Variants in MACROH2A1 observed in about 807,000 individuals in gnomAD.
MACROH2A1 encodes macroH2A.1 histone, also known as core histone macro-H2A.1.
MACROH2A1 carries 2 observed loss-of-function variants against 31.6 expected under a neutral mutation model. The observed-to-expected ratio is 0.06, with a 90% confidence interval of 0.03 to 0.20. MACROH2A1 has a LOEUF of 0.20. Ranked by LOEUF, MACROH2A1 falls within the 10% of genes least tolerant of loss-of-function variation. The pLI, the probability that MACROH2A1 is intolerant of heterozygous loss-of-function variation, is 1.00. For missense variants in MACROH2A1, 230 were observed against 474.0 expected (o/e 0.49, Z 4.78); for synonymous variants, 169 against 189.6 (o/e 0.89, Z 0.89).
chr5:135,366,318 C>T (rs1296352146), intron 4 of MACROH2A1, among the ~76,000 whole-genome samples: 1 of 152,210 alleles, frequency 6.6e-6, no homozygotes, highest in Non-Finnish European at 1.5e-5. Flanking sequence ...AGCAGCTCTA[C>T]ATGCAGAGAC....
At chr5:135,386,964 T>A (rs1468812255) in intron 2 of MACROH2A1, among the ~76,000 whole-genome samples, 1 of 152,228 alleles carries the variant, frequency 6.6e-6, no homozygotes, top group Non-Finnish European at 1.5e-5. Flanking sequence ...TTTCCCATTA[T>A]GTGCACAGCA....
chr5:135,365,584 G>C (rs557945689), intron 4 of MACROH2A1, among the ~76,000 whole-genome samples: 1 of 152,246 alleles, frequency 6.6e-6, no homozygotes, highest in East Asian at 1.9e-4. Flanking sequence ...CCACTACTGA[G>C]AATAGTAACT....
At chr5:135,355,408 C>T (rs990818943) in intron 5 of MACROH2A1, 1 of 379,540 alleles carries the variant, frequency 2.6e-6, no homozygotes, top group Non-Finnish European at 5.3e-6. Flanking sequence ...TTTCACTCTT[C>T]ACATCTGTGG....
intron 6 of MACROH2A1, 52 bp from the exon 7 acceptor site, chr5:135,346,109 AC>A: frequency 9.7e-7 from 1 of 1,031,008 alleles, no homozygotes; most frequent in South Asian, 1.3e-5. Flanking sequence ...TCCGGCACAC[AC>A]AGACACTTAG....
chr5:135,396,548 G>A (rs1012452537), intron 1 of MACROH2A1, among the ~76,000 whole-genome samples: 2 of 152,022 alleles, frequency 1.3e-5, no homozygotes, highest in African/African-American at 4.8e-5. Flanking sequence ...CACACATGGG[G>A]TTCCCCAGGC....
intron 1 of MACROH2A1, among the ~76,000 whole-genome samples, chr5:135,392,978 A>G (rs929928124): frequency 1.3e-5 from 2 of 152,188 alleles, no homozygotes; most frequent in East Asian, 3.8e-4. Context: ...AAAAACAATA[A>G]TGTGAATAAG....
rs1760334606 is a variant in MACROH2A1 at position 135,343,718 on chromosome 5, G to A, written c.779-284C>T. On this transcript the variant is annotated intron_variant, in intron 7 of 8. Transcript: ENST00000511689. Reference sequence around the variant, plus strand: ...TCAGAAAGCATACACGGTTCTCCCAGAGGCAGAGCCTTATCCATCAAAACT... The same window carrying A: ...TCAGAAAGCATACACGGTTCTCCCAAAGGCAGAGCCTTATCCATCAAAACT... 12 of 449,394 alleles carry A rather than the reference G, an allele frequency of 2.7e-5. No individual in the cohort carries two copies. The South Asian group carries it at 3.1e-4, about 12-fold the overall frequency. 27.8% of individuals were successfully genotyped at this position (449,394 alleles called of 1,614,324 possible).
Position 135,374,588 on chromosome 5 carries a change from A to ATGGAGCC in MACROH2A1, c.173-4453_173-4447dup, listed in dbSNP as rs1764609871. ...AACTTAAGCCTCTGCCTCAAAGTGA[A>ATGGAGCC]TGGAGCCGATGCCTTCCTACAAGGG... is the stretch of plus-strand genomic sequence containing the variant. On this transcript the variant is annotated intron_variant, in intron 2 of 8. Coordinates refer to ENST00000511689, the MANE Select transcript of MACROH2A1 (RefSeq NM_138610.3). 3.3e-5 allele frequency among the ~76,000 whole-genome samples: 5 copies of ATGGAGCC among 152,306 alleles called. 1 individual carries two copies. Among genetic ancestry groups the ATGGAGCC allele is most frequent in the African/African-American group, 1.2e-4 (5 of 41,580 alleles).
At chr5:135,387,407 T>A (rs1766564297) in intron 2 of MACROH2A1, among the ~76,000 whole-genome samples, 1 of 152,216 alleles carries the variant, frequency 6.6e-6, no homozygotes, top group Non-Finnish European at 1.5e-5. Flanking sequence ...GTGTTTGCTA[T>A]GGGGAAACCC....
intron 5 of MACROH2A1, chr5:135,357,440 C>T (rs2149792363): frequency 6.6e-6 from 1 of 152,328 alleles, no homozygotes; most frequent in South Asian, 2.1e-4. Flanking sequence ...AGGGAGAAAA[C>T]CCATGGTACG....
chr5:135,383,027 C>T (rs892287618), intron 2 of MACROH2A1, among the ~76,000 whole-genome samples: 1 of 152,214 alleles, frequency 6.6e-6, no homozygotes, highest in East Asian at 1.9e-4. Flanking sequence ...AATTCCACCT[C>T]CTGGTGGCTT....
At chr5:135,337,253 G>A (rs1758888420) in intron 8 of MACROH2A1, among the ~76,000 whole-genome samples, 1 of 152,268 alleles carries the variant, frequency 6.6e-6, no homozygotes, top group Non-Finnish European at 1.5e-5. Context: ...CAGGGCTTCT[G>A]TAGCTGCAGC....
intron 5 of MACROH2A1, 127 bp from the exon 6 acceptor site, chr5:135,353,172 T>C (rs1761783308): frequency 1.5e-6 from 1 of 670,538 alleles, no homozygotes; most frequent in Admixed American, 2.3e-5. Flanking sequence ...AAGCAGGGAG[T>C]TGCTGGCTCA....
chr5:135,382,664 G>A (rs1274552540), intron 2 of MACROH2A1, among the ~76,000 whole-genome samples: 2 of 152,162 alleles, frequency 1.3e-5, no homozygotes, highest in Admixed American at 6.5e-5. Flanking sequence ...TGAAAATCAA[G>A]CATTTCTACT....
chr5:135,347,246 G>A (rs1485933776), intron 6 of MACROH2A1: 2 of 152,186 alleles, frequency 1.3e-5, no homozygotes, highest in Non-Finnish European at 2.9e-5. Flanking sequence ...GTTCTGCAGG[G>A]GTGAACTAAC....
At chr5:135,385,823 T>C (rs1001945581) in intron 2 of MACROH2A1, among the ~76,000 whole-genome samples, 1 of 152,176 alleles carries the variant, frequency 6.6e-6, no homozygotes, top group African/African-American at 2.4e-5. Context: ...CTTGCAACAC[T>C]TTCAGTCTCT....
intron 8 of MACROH2A1, among the ~76,000 whole-genome samples, chr5:135,337,771 C>A (rs191647868): frequency 1.3e-5 from 2 of 152,212 alleles, no homozygotes; most frequent in Non-Finnish European, 2.9e-5. Context: ...TTTAGACTTG[C>A]AGTGCCCACA....
chr5:135,353,419 C>G, intron 5 of MACROH2A1: 1 of 230,638 alleles, frequency 4.3e-6, no homozygotes, highest in South Asian at 6.4e-5. Context: ...GTGGATGTGA[C>G]TGTCCTCATC....
chr5:135,370,187 G>A (rs772319746), intron 2 of MACROH2A1, 45 bp from the exon 3 acceptor site: 1 of 1,232,074 alleles, frequency 8.1e-7, no homozygotes, highest in Non-Finnish European at 1.2e-6. Context: ...AGAGGACCAT[G>A]TGTCCCCGCC....
Sources: allele counts gnomAD v4.1 joint callset (sites outside exome capture counted in the v4.1 genomes callset), GRCh38; gene constraint gnomAD v4.1.1; transcripts MANE v1.5; gene names NCBI Gene and HGNC (gene_info 2026-07-23, HGNC 2026-07-21).